NCKAP5: variants seen among roughly 807,000 people sequenced by gnomAD.
The protein encoded by NCKAP5 is nck-associated protein 5.
Under a neutral mutation model 167.0 loss-of-function variants are expected in NCKAP5, and 92 were observed. The ratio of observed to expected loss-of-function variants is 0.55; its 90% CI spans 0.47 to 0.66. The LOEUF is 0.66. NCKAP5 is among the 30% of genes least tolerant of loss of function. NCKAP5 has a pLI of 0.00. For missense variants in NCKAP5, 2,378 were observed against 2,315.0 expected (o/e 1.03, Z -0.56); for synonymous variants, 891 against 877.4 (o/e 1.02, Z -0.27).
chr2:132,764,035 A>G (rs944441806), intron 16 of NCKAP5, among the ~76,000 whole-genome samples: 4 of 152,204 alleles, frequency 2.6e-5, no homozygotes, highest in African/African-American at 9.7e-5. Context: ...TACTTTTAAC[A>G]CTGTAAGTCC....
At chr2:133,601,439 T>G in the NCKAP5 span, among the ~76,000 whole-genome samples, 1 of 152,132 alleles carries the variant, frequency 6.6e-6, no homozygotes, top group Admixed American at 6.6e-5. Context: ...TTTTTTAAAA[T>G]TCTACCTTGG....
chr2:133,358,770 C>G (rs932006704), intron 3 of NCKAP5, among the ~76,000 whole-genome samples: 2 of 152,110 alleles, frequency 1.3e-5, no homozygotes, highest in African/African-American at 4.8e-5. Flanking sequence ...TGGCTGTTAA[C>G]AAAAGCCATA....
intron 5 of NCKAP5, among the ~76,000 whole-genome samples, chr2:133,173,360 C>T: frequency 6.6e-6 from 1 of 152,146 alleles, no homozygotes; most frequent in East Asian, 1.9e-4. Flanking sequence ...TGACTGAACT[C>T]CACTCAGGTT....
intron 19 of NCKAP5, among the ~76,000 whole-genome samples, chr2:132,716,158 C>T (rs141953116): frequency 9.1e-4 from 139 of 152,214 alleles, no homozygotes; most frequent in Admixed American, 4.2e-3. Flanking sequence ...ACTGGTGAGA[C>T]GATCCATTTT....
intron 11 of NCKAP5, among the ~76,000 whole-genome samples, chr2:132,800,642 A>G (rs1684951798): frequency 6.6e-6 from 1 of 151,924 alleles, no homozygotes; most frequent in Admixed American, 6.6e-5. Context: ...CCATTTTTCC[A>G]TGGCACACTT....
intron 6 of NCKAP5, among the ~76,000 whole-genome samples, chr2:133,106,595 TA>T (rs1410068274): frequency 6.6e-6 from 1 of 152,178 alleles, no homozygotes; most frequent in African/African-American, 2.4e-5. Flanking sequence ...TGAAGAGTGA[TA>T]TTTGAGTTAA....
At chr2:133,290,728 C>CTTTTTTTTTTTTTTTTT (rs58758295) in intron 4 of NCKAP5, among the ~76,000 whole-genome samples, 18 of 89,346 alleles carry the variant, frequency 2.0e-4, no homozygotes, top group Non-Finnish European at 2.9e-4. Context: ...AGAATTTCTC[C>CTTTTTTTTTTTTTTTTT]TTTTTTTTTT....
At chr2:132,717,110 T>C (rs1384721141) in intron 19 of NCKAP5, among the ~76,000 whole-genome samples, 6 of 152,206 alleles carry the variant, frequency 3.9e-5, no homozygotes, top group Non-Finnish European at 4.4e-5. Flanking sequence ...GGCAAGGGTC[T>C]CAGAGCAGCC....
intron 4 of NCKAP5, among the ~76,000 whole-genome samples, chr2:133,270,684 T>A (rs2089467372): frequency 6.6e-6 from 1 of 152,300 alleles, no homozygotes; most frequent in African/African-American, 2.4e-5. Context: ...CTTTGATTGG[T>A]TGCTTTCCAC....
intron 19 of NCKAP5, among the ~76,000 whole-genome samples, chr2:132,683,971 G>A (rs988837473): frequency 6.6e-6 from 1 of 152,154 alleles, no homozygotes; most frequent in Non-Finnish European, 1.5e-5. Flanking sequence ...CAAAATTCTA[G>A]TACCAGGTAC....
chr2:133,384,126 T>G (rs1686745537), intron 3 of NCKAP5, among the ~76,000 whole-genome samples: 1 of 152,224 alleles, frequency 6.6e-6, no homozygotes, highest in Non-Finnish European at 1.5e-5. Flanking sequence ...CATGAAGTCC[T>G]TGCCCATGCC....
intron 6 of NCKAP5, among the ~76,000 whole-genome samples, chr2:133,029,040 G>A (rs1016604851): frequency 6.6e-6 from 1 of 152,092 alleles, no homozygotes; most frequent in African/African-American, 2.4e-5. Flanking sequence ...TTCCTATACA[G>A]CCTGCAGAAC....
intron 3 of NCKAP5, among the ~76,000 whole-genome samples, chr2:133,437,605 A>G (rs1036154031): frequency 6.6e-6 from 1 of 152,144 alleles, no homozygotes. Context: ...CCACATAGTC[A>G]TCAGGTAGGT....
chr2:133,624,012 C>A, the NCKAP5 span, among the ~76,000 whole-genome samples: 1 of 151,966 alleles, frequency 6.6e-6, no homozygotes, highest in Non-Finnish European at 1.5e-5. Flanking sequence ...GAATTGGAGA[C>A]CATTAAAGTA....
At chr2:133,207,478 C>T (rs1421815395) in intron 5 of NCKAP5, among the ~76,000 whole-genome samples, 11 of 152,080 alleles carry the variant, frequency 7.2e-5, no homozygotes, top group Admixed American at 7.2e-4. Flanking sequence ...TAAATGTGGG[C>T]TGGTACACAG....
chr2:133,238,787 A>G (rs1388256493), intron 4 of NCKAP5, among the ~76,000 whole-genome samples: 3 of 152,192 alleles, frequency 2.0e-5, no homozygotes, highest in African/African-American at 7.2e-5. Flanking sequence ...TTCAAGTATC[A>G]GGGGCCAAGG....
At position 132,932,790 on chromosome 2, in the gene NCKAP5, CA is replaced by C. The variant is rs544729040; in HGVS notation, c.579+30929del. Reference sequence around the variant, plus strand: ...CATGCAACCATCCCTAGGAAGTTACCAAAATTCATTCTTAGTTCCCATCTGG... The same window carrying C: ...CATGCAACCATCCCTAGGAAGTTACCAAATTCATTCTTAGTTCCCATCTGG... On this transcript the variant is annotated intron_variant, in intron 8 of 19. Coordinates refer to ENST00000409261, the MANE Select transcript of NCKAP5 (RefSeq NM_207363.3). Among the ~76,000 whole-genome samples, 157 of 152,158 alleles carry C rather than the reference CA, an allele frequency of 1.0e-3. 2 individuals are homozygous for C. The Middle Eastern group carries it at 0.014, about 13-fold the overall frequency.
rs770210960 is a variant in NCKAP5, at chr2:133,410,355, G to A, written c.69+107103C>T. Among the ~76,000 whole-genome samples the A allele has an allele frequency of 7.9e-5, 12 of 152,190 alleles. No individual in the cohort carries two copies. In the East Asian group the frequency reaches 1.7e-3, roughly 22 times the overall value. ...CAAGAAGTCATGTGTTATTCATCAC[G>A]CGGTTTTCATAGCCCCTGCTACATC... On this transcript the variant is annotated intron_variant, in intron 3 of 19. Coordinates refer to ENST00000409261, the MANE Select transcript of NCKAP5 (RefSeq NM_207363.3).
At chr2:132,992,414 C>T (rs2077475376) in intron 7 of NCKAP5, among the ~76,000 whole-genome samples, 1 of 152,078 alleles carries the variant, frequency 6.6e-6, no homozygotes, top group Admixed American at 6.5e-5. Flanking sequence ...AGAGAATAAG[C>T]AAAAGAAAAT....
Sources: gnomAD v4.1 joint callset for allele counts (sites outside exome capture counted in the v4.1 genomes callset) on GRCh38, gnomAD v4.1.1 for gene constraint, MANE v1.5 for transcripts, NCBI Gene and HGNC (gene_info 2026-07-23, HGNC 2026-07-21) for gene names.